Variants in ASPH observed in about 807,000 individuals in gnomAD.
ASPH encodes the protein aspartate beta-hydroxylase.
In ASPH, 100 loss-of-function variants were observed where a neutral mutation model predicts 118.4. The observed-to-expected ratio is 0.84, with a 90% CI of 0.72 to 1.00. The LOEUF (loss-of-function observed/expected upper bound fraction) is 1.00, where lower values mean the gene tolerates loss of function less well. Among genes scored for constraint, ASPH ranks in the 50% least tolerant of loss-of-function variants. The pLI, the probability that ASPH is intolerant of heterozygous loss-of-function variation, is 0.00. For missense variants in ASPH, 920 were observed against 919.5 expected, an observed-to-expected ratio of 1.00 and a Z score of -0.01; for synonymous variants, 315 against 325.6, an observed-to-expected ratio of 0.97 and a Z score of 0.35.
At chr8:61,560,898 A>G (rs1829572088) in intron 18 of ASPH, among the ~76,000 whole-genome samples, 1 of 151,736 alleles carries the variant, frequency 6.6e-6, no homozygotes, top group South Asian at 2.1e-4. Flanking sequence ...CCCAGTCAAC[A>G]CTTCAGAATG....
At chr8:61,661,565 GA>G in intron 3 of ASPH, 1 of 173,634 alleles carries the variant, frequency 5.8e-6, no homozygotes, top group East Asian at 1.5e-4. Flanking sequence ...ACAGGAGAAA[GA>G]AATCAATGTC....
At position 61,528,202 on chromosome 8, in the gene ASPH, C is replaced by T. The variant is rs966777745; in HGVS notation, c.1765-2090G>A. On this transcript the variant is annotated intron_variant, in intron 21 of 24. Coordinates refer to ENST00000379454, the MANE Select transcript of ASPH (RefSeq NM_004318.4). ...AGTTCATGAAGAACAGGGCAAAGAT[C>T]GCATTTCAATAAAGAGACATTCAAA... Among the ~76,000 whole-genome samples, 4 of 152,144 alleles carry T rather than the reference C, an allele frequency of 2.6e-5. No homozygotes were observed. The East Asian group carries it at 5.8e-4, about 22-fold the overall frequency.
intron 2 of ASPH, among the ~76,000 whole-genome samples, chr8:61,681,960 A>G (rs1828294664): frequency 6.6e-6 from 1 of 152,008 alleles, no homozygotes; most frequent in African/African-American, 2.4e-5. Flanking sequence ...GCAATTTTTT[A>G]AACAGCTTTC....
At chr8:61,579,270 G>A (rs1026392427) in intron 15 of ASPH, 441 of 1,614,130 alleles carry the variant, frequency 2.7e-4, no homozygotes, top group Admixed American at 1.0e-4. Flanking sequence ...GGATGCCAAC[G>A]CCAAGTTGTC....
At chr8:61,633,854 T>C (rs966181539) in intron 12 of ASPH, 127 bp from the exon 13 acceptor site, 1 of 639,168 alleles carries the variant, frequency 1.6e-6, no homozygotes. Context: ...GAAATTTTAA[T>C]AAAAACATTA....
intron 1 of ASPH, among the ~76,000 whole-genome samples, chr8:61,707,376 T>C (rs560630170): frequency 8.6e-4 from 131 of 152,182 alleles, no homozygotes; most frequent in Non-Finnish European, 1.7e-3. Flanking sequence ...ATTAGAAAAA[T>C]GCAAGTTTAA....
chr8:61,537,962 C>A (rs1820273852), intron 21 of ASPH, among the ~76,000 whole-genome samples: 1 of 152,154 alleles, frequency 6.6e-6, no homozygotes, highest in South Asian at 2.1e-4. Context: ...TAATTGGCAT[C>A]ATAGGCCACC....
intron 3 of ASPH, among the ~76,000 whole-genome samples, chr8:61,669,992 G>T (rs1490197818): frequency 6.6e-6 from 1 of 152,104 alleles, no homozygotes; most frequent in East Asian, 1.9e-4. Context: ...ATGAACACAT[G>T]AACAAAGTGC....
At chr8:61,505,236 CTGT>C (rs1806009513) in intron 24 of ASPH, among the ~76,000 whole-genome samples, 1 of 152,182 alleles carries the variant, frequency 6.6e-6, no homozygotes, top group Non-Finnish European at 1.5e-5. Flanking sequence ...TGGCTCACGC[CTGT>C]AATCTCAGCA....
chr8:61,665,568 C>G lies in ASPH; in HGVS notation c.323-11908G>C, dbSNP rs1329225966. ...CTTTCCTTCCTTGACTCAGGTTTCT[C>G]TTTCTCCTTCTTGAGCTCTTCTTTA... On this transcript the variant is annotated intron_variant, in intron 3 of 24. Transcript: ENST00000379454. The G allele has an allele frequency of 1.9e-6, 3 of 1,594,466 alleles. No individual in the cohort carries two copies. The South Asian group carries it at 3.4e-5, about 18-fold the overall frequency.
At chr8:61,597,196 GAA>G (rs34291472) in intron 14 of ASPH, among the ~76,000 whole-genome samples, 2 of 112,796 alleles carry the variant, frequency 1.8e-5, no homozygotes. Context: ...ATCCAGTCAG[GAA>G]AAAAAAAAAA....
At chr8:61,510,208 T>G (rs759277598) in intron 24 of ASPH, among the ~76,000 whole-genome samples, 4 of 152,146 alleles carry the variant, frequency 2.6e-5, no homozygotes, top group Non-Finnish European at 5.9e-5. Flanking sequence ...AAGACATACT[T>G]TTACTCTTCC....
intron 14 of ASPH, among the ~76,000 whole-genome samples, chr8:61,616,107 T>C (rs1294697093): frequency 6.6e-6 from 1 of 152,336 alleles, no homozygotes; most frequent in South Asian, 2.1e-4. Context: ...TGGTTGGTAC[T>C]GATCTAAAGT....
intron 15 of ASPH, chr8:61,579,127 CAAAG>C (rs1836482330): frequency 4.3e-6 from 7 of 1,611,246 alleles, no homozygotes; most frequent in Non-Finnish European, 5.1e-6. Flanking sequence ...CTGTGGCGCA[CAAAG>C]ACTGAGATCT....
At chr8:61,628,508 AAG>A (rs768212182) in intron 13 of ASPH, among the ~76,000 whole-genome samples, 15 of 151,820 alleles carry the variant, frequency 9.9e-5, no homozygotes, top group Non-Finnish European at 2.1e-4. Context: ...ATCCTCTGAG[AAG>A]AGACACTTGC....
At chr8:61,631,172 T>TA (rs1317634348) in intron 13 of ASPH, among the ~76,000 whole-genome samples, 3 of 152,134 alleles carry the variant, frequency 2.0e-5, no homozygotes, top group Admixed American at 6.5e-5. Context: ...TTTACAAATT[T>TA]AAAAAAATTA....
intron 13 of ASPH, among the ~76,000 whole-genome samples, chr8:61,623,477 T>C (rs1851668854): frequency 6.6e-6 from 1 of 152,210 alleles, no homozygotes; most frequent in African/African-American, 2.4e-5. Context: ...TGCAAATATT[T>C]TGATGTATTC....
chr8:61,621,002 C>G (rs111933907), intron 13 of ASPH, among the ~76,000 whole-genome samples: 1 of 152,188 alleles, frequency 6.6e-6, no homozygotes, highest in African/African-American at 2.4e-5. Context: ...TCCTCATGTC[C>G]TTTAGACTCA....
At chr8:61,594,344 A>G (rs1165148949) in intron 14 of ASPH, among the ~76,000 whole-genome samples, 3 of 152,228 alleles carry the variant, frequency 2.0e-5, no homozygotes, top group Non-Finnish European at 4.4e-5. Context: ...TCTTTAAATA[A>G]TTGTTTCTAT....
Sources: allele counts gnomAD v4.1 joint callset (sites outside exome capture counted in the v4.1 genomes callset), GRCh38; gene constraint gnomAD v4.1.1; transcripts MANE v1.5; gene names NCBI Gene and HGNC (gene_info 2026-07-23, HGNC 2026-07-21).